CDH18: variants seen among roughly 807,000 people sequenced by gnomAD.
CDH18 encodes cadherin 18, also known as cadherin-18.
In CDH18, 31 loss-of-function variants were observed where a neutral mutation model predicts 67.9. That is an observed-to-expected ratio of 0.46 (90% CI 0.34 to 0.62). CDH18 has a LOEUF of 0.62. Ranked by LOEUF, CDH18 falls within the 20% of genes least tolerant of loss-of-function variation. The pLI, the probability that CDH18 is intolerant of heterozygous loss-of-function variation, is 0.01. For synonymous variants in CDH18, 362 were observed against 347.2 expected (o/e 1.04, Z -0.48); for missense variants, 890 against 975.5 (o/e 0.91, Z 1.17).
intron 8 of CDH18, among the ~76,000 whole-genome samples, chr5:19,553,447 G>A (rs1049681200): frequency 1.7e-4 from 25 of 151,406 alleles, no homozygotes; most frequent in Middle Eastern, 3.4e-3. Context: ...ATAAAGTATA[G>A]AAGACCTCTT....
intron 2 of CDH18, among the ~76,000 whole-genome samples, chr5:19,877,761 T>C (rs1787187854): frequency 1.3e-5 from 2 of 152,194 alleles, no homozygotes; most frequent in East Asian, 1.9e-4. Context: ...TGTAGGAAAA[T>C]AGAAGCATGT....
At chr5:19,676,977 C>T (rs1158652233) in intron 5 of CDH18, among the ~76,000 whole-genome samples, 1 of 152,038 alleles carries the variant, frequency 6.6e-6, no homozygotes, top group Non-Finnish European at 1.5e-5. Context: ...CTCTTTTTCT[C>T]CCTTATGCCC....
chr5:20,368,572 T>G (rs1742709388), intron 1 of CDH18, among the ~76,000 whole-genome samples: 2 of 152,224 alleles, frequency 1.3e-5, no homozygotes, highest in South Asian at 4.1e-4. Flanking sequence ...TATTTTAATG[T>G]GGCAGTTCTA....
At chr5:20,357,503 TAAAC>T (rs1741731069) in intron 1 of CDH18, among the ~76,000 whole-genome samples, 1 of 152,062 alleles carries the variant, frequency 6.6e-6, no homozygotes, top group Admixed American at 6.6e-5. Context: ...GGAAATTACA[TAAAC>T]AAACACTTCT....
intron 5 of CDH18, among the ~76,000 whole-genome samples, chr5:19,668,677 T>C (rs1454508609): frequency 6.6e-6 from 1 of 152,118 alleles, no homozygotes; most frequent in African/African-American, 2.4e-5. Context: ...TAATTGAAAA[T>C]AGTCTTGTAA....
At chr5:20,143,218 A>G (rs187267732) in intron 2 of CDH18, among the ~76,000 whole-genome samples, 30 of 152,240 alleles carry the variant, frequency 2.0e-4, no homozygotes, top group African/African-American at 7.0e-4. Context: ...GATTCCGATG[A>G]AGTCTCCAAT....
chr5:19,650,321 C>G (rs1328372752), intron 5 of CDH18, among the ~76,000 whole-genome samples: 1 of 151,882 alleles, frequency 6.6e-6, no homozygotes, highest in Non-Finnish European at 1.5e-5. Context: ...ATACAATAGA[C>G]AGATAAAGCA....
intron 5 of CDH18, among the ~76,000 whole-genome samples, chr5:19,643,435 T>C (rs114946047): frequency 1.6e-4 from 24 of 152,296 alleles, no homozygotes; most frequent in African/African-American, 5.8e-4. Flanking sequence ...ACCATCTAAA[T>C]ATCTATTGAT....
intron 5 of CDH18, among the ~76,000 whole-genome samples, chr5:19,615,667 A>G (rs1453474675): frequency 1.3e-5 from 2 of 152,174 alleles, no homozygotes; most frequent in African/African-American, 2.4e-5. Flanking sequence ...GAATAGTTTC[A>G]CTGCTCTAAA....
At chr5:19,509,837 T>C (rs1744842995) in intron 10 of CDH18, among the ~76,000 whole-genome samples, 1 of 152,146 alleles carries the variant, frequency 6.6e-6, no homozygotes, top group African/African-American at 2.4e-5. Flanking sequence ...GTCTTCAAAT[T>C]TCATGCATGC....
At chr5:20,305,676 T>A in intron 1 of CDH18, 2 of 473,778 alleles carry the variant, frequency 4.2e-6, no homozygotes, top group South Asian at 4.4e-5. Flanking sequence ...GGGGAGATCC[T>A]CACGCTGTGT....
At chr5:19,609,007 A>G in intron 6 of CDH18, among the ~76,000 whole-genome samples, 1 of 151,988 alleles carries the variant, frequency 6.6e-6, no homozygotes, top group East Asian at 1.9e-4. Context: ...TTATATGCAT[A>G]TGGTTTGTGC....
chr5:20,502,015 C>T (rs569253544), intron 1 of CDH18, among the ~76,000 whole-genome samples: 4 of 151,824 alleles, frequency 2.6e-5, no homozygotes, highest in South Asian at 2.1e-4. Context: ...ATAAACTTGT[C>T]AGAGAAAGAA....
chr5:19,624,312 C>T (rs919340770), intron 5 of CDH18, among the ~76,000 whole-genome samples: 1 of 152,078 alleles, frequency 6.6e-6, no homozygotes, highest in Non-Finnish European at 1.5e-5. Flanking sequence ...GGCTGCCATA[C>T]TCATTAATCT....
At chr5:20,559,940 C>T (rs981788947) in intron 1 of CDH18, among the ~76,000 whole-genome samples, 9 of 123,906 alleles carry the variant, frequency 7.3e-5, no homozygotes, top group Non-Finnish European at 1.5e-4. Flanking sequence ...GCAAAATTTC[C>T]CTGCTAGGTC....
chr5:20,275,918 T>C (rs1745775763), intron 1 of CDH18, among the ~76,000 whole-genome samples: 1 of 152,154 alleles, frequency 6.6e-6, no homozygotes, highest in African/African-American at 2.4e-5. Context: ...TCAGAACTCA[T>C]GGTTGCTCTA....
intron 6 of CDH18, among the ~76,000 whole-genome samples, chr5:19,599,047 ACT>A (rs1467995359): frequency 6.6e-6 from 1 of 152,110 alleles, no homozygotes; most frequent in African/African-American, 2.4e-5. Flanking sequence ...AAATCATATG[ACT>A]CAATTGATAA....
intron 1 of CDH18, among the ~76,000 whole-genome samples, chr5:20,556,290 C>T (rs375796207): frequency 2.8e-4 from 43 of 152,222 alleles, no homozygotes; most frequent in African/African-American, 9.9e-4. Context: ...ATCTAAAAGG[C>T]CTTCCATTTA....
In CDH18 at chr5:19,560,726, A is replaced by G. The variant is rs1170375446; in HGVS notation, c.1253+10853T>C. 9.8e-5 allele frequency among the ~76,000 whole-genome samples: 15 copies of G among 152,286 alleles called. No homozygotes were observed. In the South Asian group the frequency reaches 2.9e-3, roughly 29 times the overall value. On this transcript the variant is annotated intron_variant, in intron 8 of 12. Coordinates refer to ENST00000382275, the MANE Select transcript of CDH18 (RefSeq NM_004934.5). Reference sequence around the variant, plus strand: ...AAATAATCAGTAGAGTAAACAGACAACCCACTGAGTGGGGGAAAATCTTCA... The same window carrying G: ...AAATAATCAGTAGAGTAAACAGACAGCCCACTGAGTGGGGGAAAATCTTCA...
Sources: gnomAD v4.1 joint callset for allele counts (sites outside exome capture counted in the v4.1 genomes callset) on GRCh38, gnomAD v4.1.1 for gene constraint, MANE v1.5 for transcripts, NCBI Gene and HGNC (gene_info 2026-07-23, HGNC 2026-07-21) for gene names.